Variants in PTPRS observed in about 807,000 individuals in gnomAD.
PTPRS encodes protein tyrosine phosphatase receptor type S, also known as receptor-type tyrosine-protein phosphatase S.
Under a neutral mutation model 215.3 loss-of-function variants are expected in PTPRS, and 63 were observed. That is an observed-to-expected ratio of 0.29 (90% CI 0.24 to 0.36). The LOEUF (loss-of-function observed/expected upper bound fraction) is 0.36. Among genes scored for constraint, PTPRS ranks in the 10% least tolerant of loss-of-function variants. The probability of loss-of-function intolerance (pLI) is 1.00; values close to 1 mark genes in which losing one functional copy is unlikely to be tolerated. For synonymous variants in PTPRS, 1,404 were observed against 1,191.4 expected, an observed-to-expected ratio of 1.18 and a Z score of -3.68; for missense variants, 2,258 against 2,825.8, an observed-to-expected ratio of 0.80 and a Z score of 4.56.
intron 7 of PTPRS, 64 bp downstream of exon 7, chr19:5,260,741 C>T (rs374362181): frequency 1.3e-5 from 21 of 1,598,696 alleles, no homozygotes; most frequent in African/African-American, 2.7e-5. Flanking sequence ...CCCTGTGGAG[C>T]CTGAGGGGCT....
chr19:5,249,743 T>A (rs1390848543), intron 9 of PTPRS, among the ~76,000 whole-genome samples: 2 of 152,218 alleles, frequency 1.3e-5, no homozygotes, highest in Non-Finnish European at 2.9e-5. Flanking sequence ...GTAGCCATCA[T>A]AATAAATGTC....
intron 5 of PTPRS, 45 bp from the exon 6 acceptor site, chr19:5,263,017 T>G: frequency 7.2e-7 from 1 of 1,389,842 alleles, no homozygotes; most frequent in Non-Finnish European, 9.6e-7. Flanking sequence ...ACAGGAACGT[T>G]AACGGGTGGT....
intron 1 of PTPRS, among the ~76,000 whole-genome samples, chr19:5,315,721 GA>G (rs1040917503): frequency 6.6e-6 from 1 of 151,156 alleles, no homozygotes; most frequent in Non-Finnish European, 1.5e-5. Context: ...GGAACTCCTG[GA>G]CCCAAGCAAT....
chr19:5,289,594 C>T (rs1403076046), intron 1 of PTPRS, among the ~76,000 whole-genome samples: 1 of 152,206 alleles, frequency 6.6e-6, no homozygotes, highest in Non-Finnish European at 1.5e-5. Flanking sequence ...CCCTTTCTCC[C>T]CCTCCTCCCT....
At chr19:5,274,365 AG>A (rs535434476) in intron 2 of PTPRS, 21 bp from the exon 3 acceptor site, 13 of 1,478,122 alleles carry the variant, frequency 8.8e-6, no homozygotes, top group African/African-American at 4.2e-5. Flanking sequence ...AGTGGAAAGA[AG>A]GGGGGGCGCT....
chr19:5,245,598 C>T (rs924643166), intron 10 of PTPRS, among the ~76,000 whole-genome samples, 178 bp downstream of exon 10: 1 of 152,216 alleles, frequency 6.6e-6, no homozygotes, highest in Admixed American at 6.5e-5. Flanking sequence ...CAGCCAGGAT[C>T]ATTTATAACC....
chr19:5,284,498 CT>C (rs1568564923), intron 2 of PTPRS, among the ~76,000 whole-genome samples: 2 of 152,120 alleles, frequency 1.3e-5, no homozygotes, highest in African/African-American at 4.8e-5. Context: ...GCCCATCTTT[CT>C]TTTTTTTCTG....
intron 35 of PTPRS, among the ~76,000 whole-genome samples, chr19:5,209,058 C>T (rs2040628485): frequency 2.6e-5 from 4 of 152,094 alleles, no homozygotes; most frequent in Admixed American, 2.6e-4. Flanking sequence ...AGTGCCACTG[C>T]TACCACCCAC....
At position 5,282,620 on chromosome 19, in the gene PTPRS, T is replaced by C. The variant is rs940750953; in HGVS notation, c.91+3430A>G. 7.3e-4 allele frequency among the ~76,000 whole-genome samples: 111 copies of C among 152,104 alleles called. 1 individual carries two copies. The highest frequency in any genetic ancestry group is 2.5e-3 in the African/African-American group (102 of 41,504). On this transcript the variant is annotated intron_variant, in intron 2 of 37. Coordinates refer to ENST00000262963, the MANE Select transcript of PTPRS (RefSeq NM_002850.4). ...GAGTTCAAGACCAGCCTGGCCAACA[T>C]GGCAAAACCCCATCTCTACCAAAAA...
chr19:5,311,815 T>G (rs1476715069), intron 1 of PTPRS, among the ~76,000 whole-genome samples: 1 of 151,802 alleles, frequency 6.6e-6, no homozygotes, highest in Non-Finnish European at 1.5e-5. Flanking sequence ...CTGAGGTGGG[T>G]GGATCACGAG....
intron 9 of PTPRS, among the ~76,000 whole-genome samples, chr19:5,252,307 T>C (rs1254305051): frequency 6.6e-6 from 1 of 152,146 alleles, no homozygotes; most frequent in African/African-American, 2.4e-5. Context: ...CAGGGCACGG[T>C]GGCTCACTCC....
chr19:5,243,840 A>C, intron 11 of PTPRS, 61 bp downstream of exon 11: 71 of 1,295,578 alleles, frequency 5.5e-5, no homozygotes, highest in Non-Finnish European at 6.8e-5. Context: ...GCTTCCAGGG[A>C]GCATGCAAAG....
chr19:5,303,950 C>CAAAAA (rs1555805672), intron 1 of PTPRS, among the ~76,000 whole-genome samples: 1 of 95,712 alleles, frequency 1.0e-5, no homozygotes, highest in Non-Finnish European at 2.0e-5. Context: ...GACTCTGTCT[C>CAAAAA]AAAAAATAAT....
intron 13 of PTPRS, among the ~76,000 whole-genome samples, chr19:5,233,818 A>G (rs1254989428): frequency 6.6e-6 from 1 of 151,026 alleles, no homozygotes; most frequent in South Asian, 2.1e-4. Context: ...TGGTGGCGGG[A>G]GCCTGTAATC....
intron 1 of PTPRS, among the ~76,000 whole-genome samples, chr19:5,332,557 G>A (rs2050362007): frequency 6.6e-6 from 1 of 152,202 alleles, no homozygotes; most frequent in African/African-American, 2.4e-5. Context: ...CGACCCGCTG[G>A]AGTGGAGACT....
chr19:5,211,255 T>C (rs962173183), intron 33 of PTPRS, among the ~76,000 whole-genome samples: 1 of 152,204 alleles, frequency 6.6e-6, no homozygotes, highest in Non-Finnish European at 1.5e-5. Context: ...TTCTGTGTAC[T>C]GTAGGATGCT....
At chr19:5,297,777 CTTTCTTTTCT>C (rs777404917) in intron 1 of PTPRS, among the ~76,000 whole-genome samples, 1 of 147,342 alleles carries the variant, frequency 6.8e-6, no homozygotes, top group Non-Finnish European at 1.5e-5. Flanking sequence ...TCCTTCCAGT[CTTTCTTTTCT>C]TTTCTTTTTT....
rs772609224 is a variant in PTPRS, at chr19:5,225,810, G to A, written c.2411C>T (p.Ala804Val). 23 of 1,613,864 alleles carry A rather than the reference G, an allele frequency of 1.4e-5. No individual in the cohort carries two copies. Among genetic ancestry groups the A allele is most frequent in the East Asian group, 4.5e-5 (2 of 44,872 alleles). ...MVITNLQPET[A>V]YSITVAAYTM... ...GTAGGCGGCTACCGTGATGGAGTACGCGGTCTCAGGCTGCAAGTTTGTGAT... is the reference window on the plus strand; with the variant it reads ...GTAGGCGGCTACCGTGATGGAGTACACGGTCTCAGGCTGCAAGTTTGTGAT... The change falls in exon 17 of 38, where the codon GCG becomes GTG. Residue 804 changes from alanine (A) to valine (V), a missense_variant. Around this residue, in one of 6 missense-constraint regions of PTPRS, gnomAD observed 371 missense variants for 446.7 expected, o/e 0.83. Transcript: ENST00000262963.
Position 5,258,095 on chromosome 19 carries a change from C to T in PTPRS, c.628G>A (p.Asp210Asn), listed in dbSNP as rs1254236268. ...GCCACACACTCATATTTGCCCTGGTCGGTTTCCTCACTGCTTTCAATCTGC... is the reference window on the plus strand; with the variant it reads ...GCCACACACTCATATTTGCCCTGGTTGGTTTCCTCACTGCTTTCAATCTGC... ...ALQIESSEET[D>N]QGKYECVATN... is the part of the protein sequence containing the mutation. The change falls in exon 8 of 38, where the codon GAC (aspartate) becomes AAC (asparagine). Residue 210 changes from aspartate to asparagine, a missense_variant. Physicochemically the swap from Asp to Asn is conservative, Grantham distance 23 (BLOSUM62 1). Around this residue, in one of 6 missense-constraint regions of PTPRS, gnomAD observed 508 missense variants for 799.4 expected, o/e 0.64. Transcript: ENST00000262963. 1.9e-6 allele frequency: 3 copies of T among 1,614,162 alleles called. No homozygotes were observed. Among genetic ancestry groups the T allele is most frequent in the Non-Finnish European group, 2.5e-6 (3 of 1,180,022 alleles).
Sources: gnomAD v4.1 joint callset for allele counts (sites outside exome capture counted in the v4.1 genomes callset) on GRCh38, gnomAD v4.1.1 for gene constraint, gnomAD v4.1.1 regional missense constraint, MANE v1.5 for transcripts, NCBI Gene and HGNC (gene_info 2026-07-23, HGNC 2026-07-21) for gene names.